The following IQCJ variants were observed in gnomAD, a reference collection of about 807,000 sequenced individuals.
IQCJ encodes the protein IQ domain-containing protein J.
A neutral mutation model predicts 11.0 loss-of-function variants in IQCJ; 9 were observed. The observed-to-expected ratio is 0.82, with a 90% confidence interval of 0.49 to 1.43. IQCJ has a LOEUF of 1.43. Among genes scored for constraint, IQCJ ranks in the 40% most tolerant of loss-of-function variants. The pLI, the probability that IQCJ is intolerant of heterozygous loss-of-function variation, is 0.00. For synonymous variants in IQCJ, 55 were observed against 51.3 expected, an observed-to-expected ratio of 1.07 and a Z score of -0.31; for missense variants, 146 against 133.2, an observed-to-expected ratio of 1.10 and a Z score of -0.47.
At chr3:159,157,251 A>T (rs1721574289) in intron 1 of IQCJ, among the ~76,000 whole-genome samples, 1 of 152,318 alleles carries the variant, frequency 6.6e-6, no homozygotes, top group East Asian at 1.9e-4. Flanking sequence ...ATCTGTGGAC[A>T]TCTCCTCACA....
intron 1 of IQCJ, among the ~76,000 whole-genome samples, chr3:159,071,656 A>T (rs1430806871): frequency 6.6e-6 from 1 of 152,092 alleles, no homozygotes; most frequent in East Asian, 1.9e-4. Context: ...GAGCTTATGT[A>T]GTACTGTGTG....
chr3:159,190,429 A>T (rs575292205), intron 1 of IQCJ, among the ~76,000 whole-genome samples: 48 of 152,324 alleles, frequency 3.2e-4, no homozygotes, highest in African/African-American at 1.1e-3. Flanking sequence ...CTCATTAGGG[A>T]ATGCATTCTT....
chr3:159,169,360 C>T (rs139431816), intron 1 of IQCJ, among the ~76,000 whole-genome samples: 17 of 126,240 alleles, frequency 1.3e-4, no homozygotes, highest in African/African-American at 5.2e-4. Flanking sequence ...TCTCGGCTCA[C>T]TTGCAACCTC....
At chr3:159,184,518 T>A (rs1208273210) in intron 1 of IQCJ, among the ~76,000 whole-genome samples, 2 of 152,238 alleles carry the variant, frequency 1.3e-5, no homozygotes, top group African/African-American at 4.8e-5. Flanking sequence ...AAGAACAGTG[T>A]CTTTTTGTTT....
intron 1 of IQCJ, among the ~76,000 whole-genome samples, chr3:159,070,284 A>G (rs1440215600): frequency 6.6e-6 from 1 of 152,104 alleles, no homozygotes; most frequent in East Asian, 1.9e-4. Flanking sequence ...CTAGATTCTA[A>G]GATTAAGAGA....
At chr3:159,112,190 C>T (rs1412340901) in intron 1 of IQCJ, among the ~76,000 whole-genome samples, 2 of 152,142 alleles carry the variant, frequency 1.3e-5, no homozygotes, top group African/African-American at 4.8e-5. Context: ...GCTGATATGA[C>T]CAAGTAAGTG....
chr3:159,221,761 T>C (rs1447672629), intron 1 of IQCJ, among the ~76,000 whole-genome samples: 2 of 151,462 alleles, frequency 1.3e-5, no homozygotes, highest in Admixed American at 6.6e-5. Context: ...TCTTCCAATA[T>C]GGTGGGCTTA....
intron 1 of IQCJ, among the ~76,000 whole-genome samples, chr3:159,092,630 G>A (rs9881670): frequency 0.067 from 10,026 of 150,698 alleles, 1,325 homozygotes; most frequent in African/African-American, 0.24. Flanking sequence ...CCTGGGAGGC[G>A]GAGCTTGCAG....
At chr3:159,115,786 A>G (rs1186844871) in intron 1 of IQCJ, among the ~76,000 whole-genome samples, 4 of 152,138 alleles carry the variant, frequency 2.6e-5, no homozygotes, top group African/African-American at 4.8e-5. Context: ...AATAGCCGGC[A>G]TTCTCAGCAA....
chr3:159,215,608 A>G (rs1725181016), intron 1 of IQCJ, among the ~76,000 whole-genome samples: 1 of 152,188 alleles, frequency 6.6e-6, no homozygotes, highest in African/African-American at 2.4e-5. Flanking sequence ...TGAGTGTGCA[A>G]ATGGAGGTAA....
chr3:159,265,842 A>T, downstream of IQCJ: 1 of 156,450 alleles, frequency 6.4e-6, no homozygotes, highest in East Asian at 1.8e-4. Context: ...TATCTCAACT[A>T]TCTACCCCAG....
chr3:159,257,834 C>T (rs1479331201), intron 3 of IQCJ, among the ~76,000 whole-genome samples: 1 of 152,188 alleles, frequency 6.6e-6, no homozygotes, highest in African/African-American at 2.4e-5. Flanking sequence ...TGTCTCCATC[C>T]TGTTTCTCTA....
chr3:159,222,475 C>T (rs1725608146), intron 1 of IQCJ, among the ~76,000 whole-genome samples: 1 of 152,060 alleles, frequency 6.6e-6, no homozygotes, highest in African/African-American at 2.4e-5. Context: ...TCCCTTTCCC[C>T]TGTATGTGGA....
intron 1 of IQCJ, among the ~76,000 whole-genome samples, chr3:159,085,175 T>C (rs1019627358): frequency 6.6e-6 from 1 of 152,010 alleles, no homozygotes; most frequent in Non-Finnish European, 1.5e-5. Flanking sequence ...GTGTTTGGGT[T>C]TTTGTTCTTG....
At chr3:159,162,048 T>G (rs2108221590) in intron 1 of IQCJ, among the ~76,000 whole-genome samples, 1 of 152,270 alleles carries the variant, frequency 6.6e-6, no homozygotes, top group African/African-American at 2.4e-5. Context: ...TTTAAAGAAG[T>G]TTTTTCCAAT....
chr3:159,145,270 G>A (rs140201638), intron 1 of IQCJ, among the ~76,000 whole-genome samples: 11 of 152,300 alleles, frequency 7.2e-5, no homozygotes, highest in Non-Finnish European at 1.5e-4. Context: ...GAAAAGAATG[G>A]TGGAGAAAGG....
chr3:159,209,251 C>T (rs1448777983), intron 1 of IQCJ, among the ~76,000 whole-genome samples: 1 of 152,162 alleles, frequency 6.6e-6, no homozygotes, highest in Non-Finnish European at 1.5e-5. Flanking sequence ...TCAGAGACTA[C>T]AGTAGATGTG....
intron 1 of IQCJ, among the ~76,000 whole-genome samples, chr3:159,187,969 G>T (rs537824050): frequency 2.2e-4 from 34 of 152,254 alleles, no homozygotes; most frequent in Non-Finnish European, 4.6e-4. Flanking sequence ...CTCTTCCACC[G>T]GCGCTGGGCA....
At chr3:159,180,736 C>T (rs1401079912) in intron 1 of IQCJ, among the ~76,000 whole-genome samples, 1 of 151,936 alleles carries the variant, frequency 6.6e-6, no homozygotes, top group Non-Finnish European at 1.5e-5. Context: ...TTGAGAGAAA[C>T]ATGGGAAATT....
Sources: allele counts gnomAD v4.1 joint callset (sites outside exome capture counted in the v4.1 genomes callset), GRCh38; gene constraint gnomAD v4.1.1; transcripts MANE v1.5; gene names NCBI Gene and HGNC (gene_info 2026-07-23, HGNC 2026-07-21).